The following MRAP2 variants were observed in gnomAD, a reference collection of about 807,000 sequenced individuals.
MRAP2 encodes melanocortin-2 receptor accessory protein 2.
MRAP2 carries 20 observed loss-of-function variants against 17.4 expected under a neutral mutation model. The observed-to-expected ratio is 1.15, with a 90% CI of 0.81 to 1.67. The LOEUF (loss-of-function observed/expected upper bound fraction) is 1.67. Among genes scored for constraint, MRAP2 ranks in the 40% most tolerant of loss-of-function variants. The pLI, the probability that MRAP2 is intolerant of heterozygous loss-of-function variation, is 0.00. For missense variants in MRAP2, 238 were observed against 240.0 expected, an observed-to-expected ratio of 0.99 and a Z score of 0.05; for synonymous variants, 96 against 88.4, an observed-to-expected ratio of 1.09 and a Z score of -0.48.
At chr6:84,129,104 G>A in the MRAP2 span, among the ~76,000 whole-genome samples, 1 of 152,124 alleles carries the variant, frequency 6.6e-6, no homozygotes, top group Non-Finnish European at 1.5e-5. Context: ...ATGGGCATTT[G>A]GGTTGGTTCC....
At chr6:84,099,856 C>G in the MRAP2 span, among the ~76,000 whole-genome samples, 1 of 150,108 alleles carries the variant, frequency 6.7e-6, no homozygotes, top group African/African-American at 2.5e-5. Flanking sequence ...TTCTTCTTCT[C>G]TCTCTCTTTT....
At chr6:84,110,066 G>A in the MRAP2 span, among the ~76,000 whole-genome samples, 1 of 152,146 alleles carries the variant, frequency 6.6e-6, no homozygotes, top group African/African-American at 2.4e-5. Flanking sequence ...AAACATACAT[G>A]TGCATGTGTC....
At chr6:84,137,452 T>C in the MRAP2 span, among the ~76,000 whole-genome samples, 1 of 152,170 alleles carries the variant, frequency 6.6e-6, no homozygotes, top group Non-Finnish European at 1.5e-5. Flanking sequence ...TGATAATTCT[T>C]ATGAGTGGGC....
Position 84,062,959 on chromosome 6 carries a change from C to T in MRAP2, c.194C>T (p.Thr65Ile), listed in dbSNP as rs147462002. 165 of 1,614,098 alleles carry T rather than the reference C, an allele frequency of 1.0e-4. No homozygotes were observed. In the Admixed American group the frequency reaches 2.6e-3, roughly 26 times the overall value. ...GTGATTTTTATGTTTTTTGTGCTGA[C>T]CTTGCTGACCAAGACAGGAGCCCCA... Reference protein sequence around the residue: ...VFVIFMFFVLTLLTKTGAPHQ... With the variant: ...VFVIFMFFVLILLTKTGAPHQ... Residue 65 changes from threonine (T) to isoleucine (I), a missense_variant, in exon 3 of 4, where the codon ACC becomes ATC. Coordinates refer to ENST00000257776, the MANE Select transcript of MRAP2 (RefSeq NM_138409.4).
chr6:84,118,383 C>A, the MRAP2 span, among the ~76,000 whole-genome samples: 1,133 of 152,024 alleles, frequency 7.5e-3, 7 homozygotes, highest in Middle Eastern at 0.014. Context: ...GTGTCCCACC[C>A]CTCCCCCAGG....
the MRAP2 span, among the ~76,000 whole-genome samples, chr6:84,117,317 C>T: frequency 1.4e-4 from 22 of 152,188 alleles, no homozygotes; most frequent in East Asian, 1.9e-4. Context: ...ACCACCATGC[C>T]CAGCCTGAAG....
chr6:84,101,575 A>G, the MRAP2 span, among the ~76,000 whole-genome samples: 2 of 152,174 alleles, frequency 1.3e-5, no homozygotes, highest in African/African-American at 4.8e-5. Flanking sequence ...TAGTCTTTCC[A>G]CATTGATTAC....
chr6:84,133,234 A>AG, the MRAP2 span, among the ~76,000 whole-genome samples: 1 of 152,116 alleles, frequency 6.6e-6, no homozygotes, highest in South Asian at 2.1e-4. Context: ...TTTGTCTCAG[A>AG]GGGGCACCCG....
At position 84,033,863 on chromosome 6, in the gene MRAP2, C is replaced by T; in HGVS notation, c.-28C>T. The T allele has an allele frequency of 1.0e-6, 1 of 972,772 alleles. No individual in the cohort carries two copies. Among genetic ancestry groups the T allele is most frequent in the Non-Finnish European group, 1.2e-6 (1 of 830,066 alleles). The allele number at this position is 972,772 out of a possible 1,614,324, so 60.3% of individuals were successfully genotyped here. A position where few individuals can be genotyped will look rare whatever the true frequency, so the allele number is the denominator to read the frequency against. On this transcript the variant is annotated 5_prime_UTR_variant, in exon 1 of 4. Transcript: ENST00000257776. ...GGAGCCGGAACCAGGGCCGAGCCCG[C>T]GGGCCGGGGCTAGCCAGCCGGTAAC...
chr6:84,063,962 T>G (rs1248508258), intron 3 of MRAP2, among the ~76,000 whole-genome samples: 2 of 151,700 alleles, frequency 1.3e-5, no homozygotes, highest in African/African-American at 4.9e-5. Context: ...CAAGAATCAC[T>G]TGAACCTGGG....
intron 2 of MRAP2, among the ~76,000 whole-genome samples, chr6:84,059,847 G>A (rs989916560): frequency 3.3e-5 from 5 of 152,116 alleles, no homozygotes; most frequent in African/African-American, 9.7e-5. Context: ...GCTTTATTCT[G>A]ACTTCTTCCC....
the MRAP2 span, among the ~76,000 whole-genome samples, chr6:84,142,230 T>C: frequency 6.6e-6 from 1 of 152,220 alleles, no homozygotes; most frequent in Non-Finnish European, 1.5e-5. Context: ...GTAAAAAGTT[T>C]GGCCAGCTAA....
chr6:84,121,959 T>A, the MRAP2 span, among the ~76,000 whole-genome samples: 1 of 151,932 alleles, frequency 6.6e-6, no homozygotes, highest in Non-Finnish European at 1.5e-5. Flanking sequence ...CAGAACTAAA[T>A]GAGACCAAAA....
At chr6:84,062,328 G>A (rs1010617030) in intron 2 of MRAP2, among the ~76,000 whole-genome samples, 6 of 152,178 alleles carry the variant, frequency 3.9e-5, no homozygotes, top group Non-Finnish European at 8.8e-5. Flanking sequence ...AGCTGTTTCC[G>A]TACCTTGCTT....
intron 3 of MRAP2, among the ~76,000 whole-genome samples, chr6:84,081,341 T>C (rs2099498930): frequency 6.6e-6 from 1 of 152,246 alleles, no homozygotes; most frequent in South Asian, 2.1e-4. Flanking sequence ...TGACTGTTTA[T>C]GGCATAAGGT....
chr6:84,133,638 C>T, the MRAP2 span, among the ~76,000 whole-genome samples: 1 of 152,200 alleles, frequency 6.6e-6, no homozygotes, highest in Admixed American at 6.5e-5. Context: ...GTGAGCAAGG[C>T]TCTGTGGGCA....
At chr6:84,062,715 C>G (rs2099493492) in intron 2 of MRAP2, 178 bp from the exon 3 acceptor site, 1 of 985,336 alleles carries the variant, frequency 1.0e-6, no homozygotes, top group Non-Finnish European at 1.2e-6. Context: ...GGAGGCGGAG[C>G]AGACTCTTCC....
At chr6:84,129,768 T>G in the MRAP2 span, among the ~76,000 whole-genome samples, 3 of 152,138 alleles carry the variant, frequency 2.0e-5, no homozygotes, top group Non-Finnish European at 4.4e-5. Flanking sequence ...ACTGAGATGA[T>G]GGGGTTTTCT....
intron 3 of MRAP2, among the ~76,000 whole-genome samples, chr6:84,073,207 G>T (rs886754675): frequency 6.6e-6 from 1 of 152,134 alleles, no homozygotes; most frequent in Non-Finnish European, 1.5e-5. Flanking sequence ...TATTCCTATG[G>T]TGCTAGGCAG....
Sources: allele counts gnomAD v4.1 joint callset (sites outside exome capture counted in the v4.1 genomes callset), GRCh38; gene constraint gnomAD v4.1.1; transcripts MANE v1.5; gene names NCBI Gene and HGNC (gene_info 2026-07-23, HGNC 2026-07-21).